PUDP: variants seen among roughly 807,000 people sequenced by gnomAD.
PUDP encodes the protein pseudouridine-5'-phosphatase.
A neutral mutation model predicts 9.4 loss-of-function variants in PUDP; 8 were observed. The ratio of observed to expected loss-of-function variants is 0.85; its 90% CI spans 0.50 to 1.53. PUDP has a LOEUF of 1.53. PUDP is among the 40% of genes most tolerant of loss of function. PUDP has a pLI of 0.00. For missense variants in PUDP, 188 were observed against 189.7 expected (o/e 0.99, Z 0.05); for synonymous variants, 99 against 80.7 (o/e 1.23, Z -1.22).
chrX:7,119,237 C>A (rs760764517), intron 1 of PUDP, among the ~76,000 whole-genome samples: 10 of 112,648 alleles, frequency 8.9e-5, no homozygotes, highest in Non-Finnish European at 1.7e-4. Flanking sequence ...GAAGTGCAAT[C>A]ATCTGTTCTT....
At chrX:7,143,241 C>T (rs1312275568) in intron 1 of PUDP, among the ~76,000 whole-genome samples, 1 of 111,267 alleles carries the variant, frequency 9.0e-6, no homozygotes, top group Non-Finnish European at 1.9e-5. Context: ...ATAAACCTAA[C>T]CTTATGTGTA....
chrX:7,029,382 C>T (rs1431832236), intron 1 of PUDP, among the ~76,000 whole-genome samples: 1 of 111,987 alleles, frequency 8.9e-6, no homozygotes, highest in Non-Finnish European at 1.9e-5. Context: ...AATGGTGGTT[C>T]TCAGTCTTTA....
At chrX:6,914,845 A>AT (rs1190163269) in intron 3 of PUDP, among the ~76,000 whole-genome samples, 1 of 112,699 alleles carries the variant, frequency 8.9e-6, no homozygotes, top group East Asian at 2.8e-4. Flanking sequence ...TCACGTCGAT[A>AT]TAAAGTGAAC....
At chrX:6,807,298 C>T (rs1025176500) in intron 3 of PUDP, among the ~76,000 whole-genome samples, 1 of 111,928 alleles carries the variant, frequency 8.9e-6, no homozygotes, top group Non-Finnish European at 1.9e-5. Context: ...AGATGTCTTA[C>T]CCTGTGTTGG....
chrX:6,799,263 G>C (rs1318165796), intron 3 of PUDP, among the ~76,000 whole-genome samples: 1 of 112,274 alleles, frequency 8.9e-6, no homozygotes, highest in African/African-American at 3.2e-5. Flanking sequence ...TTTAGAGGAA[G>C]TGTGGACCCA....
At chrX:6,833,150 G>A (rs1486202812) in intron 3 of PUDP, among the ~76,000 whole-genome samples, 1 of 112,289 alleles carries the variant, frequency 8.9e-6, no homozygotes, top group Non-Finnish European at 1.9e-5. Context: ...CATTTTCACT[G>A]TACCAATTTT....
chrX:6,720,258 GTATATATATATATA>G (rs543397118), intron 1 of PUDP, among the ~76,000 whole-genome samples: 29 of 48,798 alleles, frequency 5.9e-4, no homozygotes, highest in East Asian at 2.5e-3. Context: ...GTGTGTGTGT[GTATATATATATATA>G]TATATATATA....
At chrX:6,761,611 G>A (rs758553595) in intron 3 of PUDP, among the ~76,000 whole-genome samples, 1 of 111,950 alleles carries the variant, frequency 8.9e-6, no homozygotes, top group Non-Finnish European at 1.9e-5. Flanking sequence ...GTGAAGAGCA[G>A]CCATGCAAAT....
chrX:6,899,044 C>T (rs1198051675), intron 3 of PUDP, among the ~76,000 whole-genome samples: 1 of 112,122 alleles, frequency 8.9e-6, no homozygotes, highest in East Asian at 2.8e-4. Context: ...TTCTGTGTAG[C>T]CTGTCTAACT....
chrX:7,081,424 C>G (rs1426406913), intron 2 of PUDP, among the ~76,000 whole-genome samples: 1 of 112,251 alleles, frequency 8.9e-6, no homozygotes, highest in African/African-American at 3.2e-5. Context: ...AAGCCCTGGG[C>G]TTAGAGATGT....
intron 3 of PUDP, among the ~76,000 whole-genome samples, chrX:6,842,071 G>C (rs1221871412): frequency 9.0e-6 from 1 of 111,642 alleles, no homozygotes; most frequent in Non-Finnish European, 1.9e-5. Flanking sequence ...TCTTGGAAGA[G>C]ACACGATAGG....
chrX:6,855,349 G>A (rs1047352779), intron 3 of PUDP, among the ~76,000 whole-genome samples: 23 of 112,015 alleles, frequency 2.1e-4, no homozygotes, highest in African/African-American at 7.5e-4. Flanking sequence ...CTGGTCAGCA[G>A]TGGGCTGTTA....
intron 3 of PUDP, among the ~76,000 whole-genome samples, chrX:6,910,528 A>G (rs140947282): frequency 0.017 from 1,855 of 111,896 alleles, 41 homozygotes; most frequent in African/African-American, 0.056. Context: ...CCATCCTGCA[A>G]GGAGCTAGGA....
Position 6,731,803 on chromosome X carries a change from CGGAA to C in PUDP, c.*248-25341_*248-25338del, listed in dbSNP as rs34053950. Among the ~76,000 whole-genome samples the C allele has an allele frequency of 4.1e-3, 423 of 104,012 alleles. 2 individuals carry two copies. Among genetic ancestry groups the C allele is most frequent in the Non-Finnish European group, 7.1e-3 (364 of 51,474 alleles). 90.3% of individuals were successfully genotyped at this position (104,012 alleles called of 115,157 possible). ...GAAAAGGGAAGGAGGGAAGGGACGGCGGAAGGAAGGAAGGAAGGAAGGCCATTAA... is the reference window on the plus strand; with the variant it reads ...GAAAAGGGAAGGAGGGAAGGGACGGCGGAAGGAAGGAAGGAAGGCCATTAA... On this transcript the variant is annotated intron_variant and NMD_transcript_variant, in intron 3 of 3. Coordinates refer to the PUDP transcript ENST00000655425.
At chrX:6,954,175 T>A (rs899590205) in intron 3 of PUDP, among the ~76,000 whole-genome samples, 8 of 111,370 alleles carry the variant, frequency 7.2e-5, no homozygotes, top group African/African-American at 2.6e-4. Context: ...TCTCGGTATG[T>A]CTTTATTAGT....
chrX:7,141,916 G>A (rs1228833360), intron 1 of PUDP, among the ~76,000 whole-genome samples: 2 of 112,274 alleles, frequency 1.8e-5, no homozygotes, highest in Non-Finnish European at 3.8e-5. Context: ...CAGCACATCT[G>A]TTTACAGCAT....
intron 1 of PUDP, among the ~76,000 whole-genome samples, chrX:6,982,305 G>A (rs12850332): frequency 0.03 from 3,403 of 111,969 alleles, 58 homozygotes; most frequent in Non-Finnish European, 0.047. Flanking sequence ...CTTAATTGGC[G>A]TGAGGTCAGC....
chrX:6,970,145 T>C (rs1000441341), intron 3 of PUDP, among the ~76,000 whole-genome samples: 1 of 111,945 alleles, frequency 8.9e-6, no homozygotes, highest in African/African-American at 3.2e-5. Context: ...AGAATGAAGA[T>C]CCAAAGAAAT....
At chrX:7,082,088 C>T (rs6638655) in intron 2 of PUDP, among the ~76,000 whole-genome samples, 37,170 of 111,034 alleles carry the variant, frequency 0.33, 4,724 homozygotes, top group Middle Eastern at 0.47. Context: ...CTCCAGTTCC[C>T]AGCTCCTAGA....
Sources: gnomAD v4.1 joint callset for allele counts (sites outside exome capture counted in the v4.1 genomes callset) on GRCh38, gnomAD v4.1.1 for gene constraint, MANE v1.5 for transcripts, NCBI Gene and HGNC (gene_info 2026-07-23, HGNC 2026-07-21) for gene names.